Variants in SNX25 observed in about 807,000 individuals in gnomAD.
SNX25 encodes the protein sorting nexin-25.
Under a neutral mutation model 113.7 loss-of-function variants are expected in SNX25, and 62 were observed. The ratio of observed to expected loss-of-function variants is 0.55; its 90% confidence interval spans 0.44 to 0.67. The LOEUF is 0.67. Ranked by LOEUF, SNX25 falls within the 30% of genes least tolerant of loss-of-function variation. SNX25 has a pLI of 0.00. For missense variants in SNX25, 1,014 were observed against 1,161.0 expected, an observed-to-expected ratio of 0.87 and a Z score of 1.84; for synonymous variants, 421 against 436.2, an observed-to-expected ratio of 0.97 and a Z score of 0.43.
At chr4:185,343,866 G>A (rs2126728647) in intron 12 of SNX25, among the ~76,000 whole-genome samples, 1 of 152,298 alleles carries the variant, frequency 6.6e-6, no homozygotes, top group Non-Finnish European at 1.5e-5. Context: ...GACAAAAAGA[G>A]AGTGAGATTT....
Position 185,212,304 on chromosome 4 carries a change from ATT to A in SNX25, c.429+2057_429+2058del, listed in dbSNP as rs57590957. Among the ~76,000 whole-genome samples, 276 of 146,528 alleles carry A rather than the reference ATT, an allele frequency of 1.9e-3. 1 individual carries two copies. Among genetic ancestry groups the A allele is most frequent in the East Asian group, 0.011 (52 of 4,770 alleles). On this transcript the variant is annotated intron_variant, in intron 1 of 18. Coordinates refer to ENST00000652585, the MANE Select transcript of SNX25 (RefSeq NM_001378034.2). ...AACCCTGCCTCTTAAAAAAAAAAAA[ATT>A]TTTTTTTAAATTTTTTAAGTGCATT...
intron 2 of SNX25, among the ~76,000 whole-genome samples, chr4:185,253,735 C>T (rs1746003776): frequency 6.6e-6 from 1 of 152,234 alleles, no homozygotes; most frequent in Non-Finnish European, 1.5e-5. Flanking sequence ...TCCCAAAGTG[C>T]TGGGATTACA....
chr4:185,304,968 TGAG>T (rs552755118), intron 6 of SNX25, among the ~76,000 whole-genome samples: 136 of 152,222 alleles, frequency 8.9e-4, no homozygotes, highest in African/African-American at 3.1e-3. Flanking sequence ...GAGCCCATGT[TGAG>T]GAGTGAGGGA....
intron 6 of SNX25, among the ~76,000 whole-genome samples, chr4:185,300,423 C>T (rs937714748): frequency 6.6e-6 from 1 of 151,290 alleles, no homozygotes; most frequent in African/African-American, 2.4e-5. Flanking sequence ...CCCGCCTCAG[C>T]CTCCCAAATG....
At chr4:185,297,611 G>A (rs534542154) in intron 6 of SNX25, among the ~76,000 whole-genome samples, 3 of 152,280 alleles carry the variant, frequency 2.0e-5, no homozygotes, top group South Asian at 2.1e-4. Flanking sequence ...CTTAAACAAC[G>A]TTTATTTCTC....
chr4:185,339,324 G>T, intron 10 of SNX25, 55 bp from the exon 11 acceptor site: 9 of 1,547,104 alleles, frequency 5.8e-6, no homozygotes, highest in Non-Finnish European at 8.0e-6. Context: ...CTACTTTGCT[G>T]AATTGCATAG....
chr4:185,239,489 A>T (rs1335098519), intron 1 of SNX25, among the ~76,000 whole-genome samples: 1 of 152,188 alleles, frequency 6.6e-6, no homozygotes, highest in Admixed American at 6.5e-5. Context: ...CTCAAAAAGA[A>T]AAAAAATAAA....
intron 5 of SNX25, among the ~76,000 whole-genome samples, chr4:185,284,461 G>A (rs936507069): frequency 6.6e-6 from 1 of 152,180 alleles, no homozygotes; most frequent in African/African-American, 2.4e-5. Flanking sequence ...ATATATGTAA[G>A]ATCTAGGTAG....
chr4:185,226,014 G>C (rs1353160400), intron 1 of SNX25, among the ~76,000 whole-genome samples: 1 of 152,198 alleles, frequency 6.6e-6, no homozygotes, highest in African/African-American at 2.4e-5. Flanking sequence ...TGTCACTTCA[G>C]AGGTCTCAGA....
At chr4:185,339,087 A>G (rs1265696999) in intron 10 of SNX25, among the ~76,000 whole-genome samples, 1 of 152,126 alleles carries the variant, frequency 6.6e-6, no homozygotes, top group South Asian at 2.1e-4. Flanking sequence ...AATTCTTCCA[A>G]TCCATGAATA....
At chr4:185,364,292 A>C (rs2095379037), downstream of SNX25, 2 of 152,202 alleles carry the variant, frequency 1.3e-5, no homozygotes, top group South Asian at 4.1e-4. Flanking sequence ...TTGTATTATC[A>C]AGCCGTTTAG....
chr4:185,347,114 G>A (rs1200970254), intron 13 of SNX25, among the ~76,000 whole-genome samples: 4 of 152,194 alleles, frequency 2.6e-5, no homozygotes, highest in Non-Finnish European at 4.4e-5. Context: ...ATTCATTTTC[G>A]TTGCTGTGAG....
intron 12 of SNX25, among the ~76,000 whole-genome samples, chr4:185,343,888 C>G (rs1459104247): frequency 6.6e-6 from 1 of 152,110 alleles, no homozygotes; most frequent in South Asian, 2.1e-4. Context: ...ACTATCCATG[C>G]TAGCAAGGGG....
downstream of SNX25, among the ~76,000 whole-genome samples, chr4:185,373,264 C>G (rs2095422123): frequency 6.6e-6 from 1 of 152,174 alleles, no homozygotes; most frequent in Admixed American, 6.5e-5. Flanking sequence ...GAGGCGAGTT[C>G]CTCCGCTGTC....
intron 1 of SNX25, among the ~76,000 whole-genome samples, chr4:185,241,470 G>A (rs1743993890): frequency 8.6e-6 from 1 of 116,020 alleles, no homozygotes; most frequent in Admixed American, 9.7e-5. Flanking sequence ...ACCGTGGAAA[G>A]AGAGGGAGAG....
At chr4:185,289,573 A>G (rs2126614084) in intron 6 of SNX25, among the ~76,000 whole-genome samples, 2 of 152,336 alleles carry the variant, frequency 1.3e-5, no homozygotes, top group South Asian at 4.1e-4. Flanking sequence ...CCCAACTGGT[A>G]CTGCAAGGAC....
chr4:185,295,451 C>CTTTT (rs11342153), intron 6 of SNX25, among the ~76,000 whole-genome samples: 1 of 137,628 alleles, frequency 7.3e-6, no homozygotes, highest in South Asian at 2.3e-4. Context: ...TCTGGTGAGT[C>CTTTT]TTTTTTTTTT....
At chr4:185,314,721 G>C (rs890421828) in intron 7 of SNX25, among the ~76,000 whole-genome samples, 1 of 151,240 alleles carries the variant, frequency 6.6e-6, no homozygotes, top group Non-Finnish European at 1.5e-5. Context: ...AGCTGGGAGT[G>C]GTGGTGGGCA....
chr4:185,339,257 A>T, intron 10 of SNX25, 122 bp from the exon 11 acceptor site: 1 of 823,584 alleles, frequency 1.2e-6, no homozygotes. Flanking sequence ...TTTTTGGATT[A>T]TTCACTGTTA....
Sources: gnomAD v4.1 joint callset for allele counts (sites outside exome capture counted in the v4.1 genomes callset) on GRCh38, gnomAD v4.1.1 for gene constraint, MANE v1.5 for transcripts, NCBI Gene and HGNC (gene_info 2026-07-23, HGNC 2026-07-21) for gene names.